Variants in DPYD observed in about 807,000 individuals in gnomAD.
DPYD encodes dihydropyrimidine dehydrogenase [NADP(+)].
In DPYD, 109 loss-of-function variants were observed where a neutral mutation model predicts 116.2. The ratio of observed to expected loss-of-function variants is 0.94; its 90% CI spans 0.80 to 1.10. The LOEUF is 1.10. Ranked by LOEUF, DPYD falls within the 50% of genes least tolerant of loss-of-function variation. The pLI, the probability that DPYD is intolerant of heterozygous loss-of-function variation, is 0.00. For missense variants in DPYD, 1,302 were observed against 1,254.5 expected, an observed-to-expected ratio of 1.04 and a Z score of -0.57; for synonymous variants, 440 against 432.0, an observed-to-expected ratio of 1.02 and a Z score of -0.23.
intron 16 of DPYD, among the ~76,000 whole-genome samples, chr1:97,327,977 T>A (rs188817134): frequency 2.6e-5 from 4 of 152,224 alleles, no homozygotes; most frequent in Non-Finnish European, 5.9e-5. Flanking sequence ...AATCCATAGC[T>A]CTGGGCCTGG....
At chr1:97,430,665 C>CTG (rs1241609378) in intron 14 of DPYD, among the ~76,000 whole-genome samples, 3 of 151,988 alleles carry the variant, frequency 2.0e-5, no homozygotes, top group African/African-American at 7.2e-5. Context: ...AGCAGTTGAA[C>CTG]TGTGCTAAGC....
chr1:97,234,157 A>G (rs1661755808), intron 19 of DPYD, among the ~76,000 whole-genome samples: 2 of 152,224 alleles, frequency 1.3e-5, no homozygotes, highest in Non-Finnish European at 1.5e-5. Flanking sequence ...CCCTAGGTCA[A>G]TTCAGACTAC....
chr1:97,267,526 C>T (rs568803422), intron 18 of DPYD, among the ~76,000 whole-genome samples: 28 of 152,170 alleles, frequency 1.8e-4, no homozygotes, highest in East Asian at 1.2e-3. Context: ...TGTCATCCCA[C>T]GGTGGAAGGC....
At position 97,671,532 on chromosome 1, in the gene DPYD, T is replaced by C. The variant is rs199632059; in HGVS notation, c.850+7563A>G. On this transcript the variant is annotated intron_variant, in intron 8 of 22. Transcript: ENST00000370192. The stretch of plus-strand genomic sequence containing the variant: ...ACAAAAAAAGATAAAAGAGGATGCT[T>C]GGAAAGATGCATGAATTTTAAGCAG... 5.9e-5 allele frequency among the ~76,000 whole-genome samples: 9 copies of C among 152,336 alleles called. No homozygotes were observed. The East Asian group carries it at 1.2e-3, about 20-fold the overall frequency.
chr1:97,654,838 G>A (rs533221476), intron 8 of DPYD, among the ~76,000 whole-genome samples: 1 of 152,270 alleles, frequency 6.6e-6, no homozygotes, highest in African/African-American at 2.4e-5. Context: ...CATGTGGACT[G>A]AGCTCGCAGT....
intron 13 of DPYD, among the ~76,000 whole-genome samples, chr1:97,504,341 C>T (rs1381387936): frequency 6.6e-6 from 1 of 151,928 alleles, no homozygotes; most frequent in East Asian, 1.9e-4. Context: ...CAGCAACTAG[C>T]CTATATTCCT....
chr1:97,838,621 G>A (rs1669889313), intron 2 of DPYD, among the ~76,000 whole-genome samples: 1 of 151,494 alleles, frequency 6.6e-6, no homozygotes, highest in Non-Finnish European at 1.5e-5. Context: ...CGAGGCGGGT[G>A]GATCATGAGG....
chr1:97,481,788 G>A (rs1255741967), intron 13 of DPYD, among the ~76,000 whole-genome samples: 1 of 152,160 alleles, frequency 6.6e-6, no homozygotes, highest in African/African-American at 2.4e-5. Context: ...ATTGATAGCT[G>A]CATTGGCATG....
At chr1:97,712,168 T>C (rs1662326078) in intron 5 of DPYD, among the ~76,000 whole-genome samples, 1 of 147,334 alleles carries the variant, frequency 6.8e-6, no homozygotes, top group African/African-American at 2.4e-5. Context: ...CCAATCTCTG[T>C]CTCTCTACTT....
chr1:97,637,301 C>G (rs1031724077), intron 8 of DPYD, among the ~76,000 whole-genome samples: 3 of 152,122 alleles, frequency 2.0e-5, no homozygotes, highest in African/African-American at 7.2e-5. Flanking sequence ...ACTTGTTATT[C>G]CCATAGAAGC....
In DPYD at chr1:97,389,310, GAAAAAA is replaced by G. The variant is rs11349223; in HGVS notation, c.1906-6855_1906-6850del. Among the ~76,000 whole-genome samples, 4 of 138,628 alleles carry G rather than the reference GAAAAAA, an allele frequency of 2.9e-5. No homozygotes were observed. The East Asian group carries it at 8.3e-4, about 29-fold the overall frequency. The allele number at this position is 138,628 out of a possible 152,430, so 90.9% of individuals were successfully genotyped here. A position where few individuals can be genotyped will look rare whatever the true frequency, so the allele number is the denominator to read the frequency against. ...GGCGACAGAATGAGATTTTGTCTTT[GAAAAAA>G]AAAAAAAACGAAGAAAGAAAAGAAA... On this transcript the variant is annotated intron_variant, in intron 14 of 22. Transcript: ENST00000370192.
chr1:97,098,939 C>T (rs1650466307), intron 20 of DPYD, among the ~76,000 whole-genome samples: 1 of 152,094 alleles, frequency 6.6e-6, no homozygotes, highest in Non-Finnish European at 1.5e-5. Context: ...AACCCATTCA[C>T]ATAAAACAAC....
At chr1:97,629,274 A>G (rs556828144) in intron 8 of DPYD, among the ~76,000 whole-genome samples, 1 of 152,180 alleles carries the variant, frequency 6.6e-6, no homozygotes, top group Non-Finnish European at 1.5e-5. Flanking sequence ...TCAAGAAATC[A>G]AGTGGAAGTA....
intron 14 of DPYD, among the ~76,000 whole-genome samples, chr1:97,405,347 C>T (rs140186959): frequency 7.2e-5 from 11 of 152,006 alleles, no homozygotes; most frequent in African/African-American, 2.2e-4. Flanking sequence ...TGAAAAACTT[C>T]CATTAACATT....
chr1:97,613,221 A>C (rs183188491), intron 8 of DPYD, among the ~76,000 whole-genome samples: 61 of 152,068 alleles, frequency 4.0e-4, no homozygotes, highest in Admixed American at 1.4e-3. Context: ...TCATATACTA[A>C]TTGAATGTAA....
chr1:97,683,993 T>C (rs1406244657), intron 7 of DPYD, among the ~76,000 whole-genome samples: 1 of 152,038 alleles, frequency 6.6e-6, no homozygotes, highest in East Asian at 1.9e-4. Flanking sequence ...AAAATGAAAA[T>C]GAAGTAAGTT....
chr1:97,262,485 CA>C (rs1177327548), intron 18 of DPYD, among the ~76,000 whole-genome samples: 3 of 152,020 alleles, frequency 2.0e-5, no homozygotes, highest in Non-Finnish European at 4.4e-5. Context: ...ACTTCCTGGA[CA>C]ATAAAAATGG....
intron 5 of DPYD, 83 bp from the exon 6 acceptor site, chr1:97,699,630 C>G (rs575955756): frequency 2.9e-6 from 4 of 1,391,292 alleles, no homozygotes; most frequent in Middle Eastern, 3.6e-4. Flanking sequence ...CAAACGAATT[C>G]TTGTTTTAAA....
chr1:97,787,568 T>G (rs1557961571), intron 3 of DPYD, among the ~76,000 whole-genome samples: 1 of 152,194 alleles, frequency 6.6e-6, no homozygotes, highest in Non-Finnish European at 1.5e-5. Context: ...TGGCAAAGAC[T>G]GCAAGTCTAA....
Sources: allele counts gnomAD v4.1 joint callset (sites outside exome capture counted in the v4.1 genomes callset), GRCh38; gene constraint gnomAD v4.1.1; transcripts MANE v1.5; gene names NCBI Gene and HGNC (gene_info 2026-07-23, HGNC 2026-07-21).